PDCD11: variants seen among roughly 807,000 people sequenced by gnomAD.
PDCD11 encodes programmed cell death 11.
PDCD11 carries 97 observed loss-of-function variants against 198.9 expected under a neutral mutation model. That is an observed-to-expected ratio of 0.49 (90% CI 0.41 to 0.58). The LOEUF (loss-of-function observed/expected upper bound fraction) is 0.58. Ranked by LOEUF, PDCD11 falls within the 20% of genes least tolerant of loss-of-function variation. The pLI, the probability that PDCD11 is intolerant of heterozygous loss-of-function variation, is 0.00. For synonymous variants in PDCD11, 893 were observed against 918.0 expected, an observed-to-expected ratio of 0.97 and a Z score of 0.49; for missense variants, 2,102 against 2,312.7, an observed-to-expected ratio of 0.91 and a Z score of 1.87.
intron 9 of PDCD11, among the ~76,000 whole-genome samples, chr10:103,413,594 G>T (rs529916719): frequency 6.6e-6 from 1 of 152,280 alleles, no homozygotes; most frequent in African/African-American, 2.4e-5. Flanking sequence ...TTCTTAAAGG[G>T]CTATGTCATA....
At chr10:103,433,405 G>A (rs2032017328) in intron 22 of PDCD11, among the ~76,000 whole-genome samples, 1 of 152,128 alleles carries the variant, frequency 6.6e-6, no homozygotes. Flanking sequence ...GCTGAGGCAG[G>A]AGAATCACTG....
chr10:103,436,267 A>T (rs963692185), intron 25 of PDCD11, among the ~76,000 whole-genome samples: 1 of 151,986 alleles, frequency 6.6e-6, no homozygotes, highest in African/African-American at 2.4e-5. Context: ...ATGCCTGGCT[A>T]ATTTTTCTGT....
In PDCD11 at chr10:103,417,825, T is replaced by C; in HGVS notation, c.1804T>C (p.Ser602Pro). ...GGTTGTCGTATTGAACTGTGAGCCA[T>C]CCAAAGAGAGGATGCTCTTATCCTT... ...VKVVVLNCEP[S>P]KERMLLSFKL... is the part of the protein sequence containing the mutation. The change falls in exon 14 of 36, where the codon TCC (serine) becomes CCC (proline). Residue 602 changes from serine to proline, a missense_variant. Transcript: ENST00000369797. 1 of 1,614,080 alleles carries C rather than the reference T, an allele frequency of 6.2e-7. No individual in the cohort carries two copies. Among genetic ancestry groups the C allele is most frequent in the Middle Eastern group, 1.7e-4 (1 of 6,060 alleles).
chr10:103,414,200 T>A, intron 10 of PDCD11, 70 bp from the exon 11 acceptor site: 1 of 1,577,508 alleles, frequency 6.3e-7, no homozygotes, highest in Non-Finnish European at 8.7e-7. Context: ...CCAGCATGCC[T>A]GTGGTAGCCC....
chr10:103,400,229 T>TG (rs997939493), intron 2 of PDCD11, among the ~76,000 whole-genome samples, 168 bp from the exon 3 acceptor site: 7 of 142,640 alleles, frequency 4.9e-5, no homozygotes, highest in Non-Finnish European at 9.3e-5. Context: ...CCCCCCCCTT[T>TG]TTTTTTTTTT....
At chr10:103,427,464 A>T in intron 21 of PDCD11, 73 bp downstream of exon 21, 1 of 1,239,874 alleles carries the variant, frequency 8.1e-7, no homozygotes, top group Non-Finnish European at 1.1e-6. Flanking sequence ...CCGAATTCGA[A>T]TCTTGATTTT....
Position 103,440,552 on chromosome 10 carries a change from C to T in PDCD11, c.4411C>T (p.Arg1471Trp), listed in dbSNP as rs1207252165. 8 of 1,611,632 alleles carry T rather than the reference C, an allele frequency of 5.0e-6. No homozygotes were observed. The South Asian group carries it at 5.5e-5, about 11-fold the overall frequency. The change falls in exon 29 of 36, where the codon CGG (arginine) becomes TGG (tryptophan). Residue 1471 changes from arginine to tryptophan, a missense_variant. Coordinates refer to ENST00000369797, the MANE Select transcript of PDCD11 (RefSeq NM_014976.2). ...GCCACAGGCGCAGAAGCGGGGCGGGCGGGAGTGCCGGGAGTCTGGGAGTGA... is the reference window on the plus strand; with the variant it reads ...GCCACAGGCGCAGAAGCGGGGCGGGTGGGAGTGCCGGGAGTCTGGGAGTGA... ...QKPQAQKRGG[R>W]ECRESGSEQE...
chr10:103,435,670 G>A (rs772918831), intron 25 of PDCD11, among the ~76,000 whole-genome samples: 6 of 152,102 alleles, frequency 3.9e-5, no homozygotes, highest in Non-Finnish European at 1.5e-5. Flanking sequence ...GCGCCATGAC[G>A]CCTGGCTAAT....
chr10:103,407,792 C>T (rs1369000551), intron 7 of PDCD11, among the ~76,000 whole-genome samples: 1 of 151,782 alleles, frequency 6.6e-6, no homozygotes, highest in Non-Finnish European at 1.5e-5. Context: ...GATCTCGGGT[C>T]ACTGCAACCT....
Position 103,443,324 on chromosome 10 carries a change from G to T in PDCD11, c.5115G>T (p.Glu1705Asp). The T allele has an allele frequency of 1.2e-6, 2 of 1,605,206 alleles. No individual in the cohort carries two copies. The highest frequency in any genetic ancestry group is 1.7e-6 in the Non-Finnish European group (2 of 1,173,838). The change falls in exon 33 of 36, where the codon GAG becomes GAT. Residue 1705 changes from glutamate to aspartate, a missense_variant. Physicochemically the swap from Glu to Asp is conservative, Grantham distance 45. Coordinates refer to ENST00000369797, the MANE Select transcript of PDCD11 (RefSeq NM_014976.2). ...LHLADIYAKS[E>D]KFQEAGELYN... ...TGGCTGACATCTACGCCAAGTCAGA[G>T]AAATTCCAGGTAGGAGGTTGGGCCA...
At chr10:103,424,072 A>G (rs907673029) in intron 19 of PDCD11, among the ~76,000 whole-genome samples, 12 of 152,174 alleles carry the variant, frequency 7.9e-5, no homozygotes, top group Non-Finnish European at 2.9e-5. Context: ...GAGAAGGCAG[A>G]ATTTGGATTT....
chr10:103,399,186 A>G (rs1261945998), intron 2 of PDCD11, among the ~76,000 whole-genome samples: 1 of 132,144 alleles, frequency 7.6e-6, no homozygotes, highest in Non-Finnish European at 1.5e-5. Flanking sequence ...AGTAGCTGGG[A>G]TTACAGGTGC....
chr10:103,400,516 C>G lies in PDCD11; in HGVS notation c.222C>G (p.Ile74Met). 6.2e-7 allele frequency: 1 copy of G among 1,613,582 alleles called. No individual in the cohort carries two copies. Among genetic ancestry groups the G allele is most frequent in the Non-Finnish European group, 8.5e-7 (1 of 1,179,842 alleles). Reference sequence around the variant, plus strand: ...AGTCCGCAAGAGAGAAGTTTGAAATCCTTAGTGTTGAGGTTTGTTAAAGTT... The same window carrying G: ...AGTCCGCAAGAGAGAAGTTTGAAATGCTTAGTGTTGAGGTTTGTTAAAGTT... ...SSKSAREKFE[I>M]LSVESLCEGM... Residue 74 changes from isoleucine (I) to methionine (M), a missense_variant, in exon 3 of 36, where the codon ATC (isoleucine) becomes ATG (methionine). By Grantham distance (10) the Ile-to-Met change is conservative (BLOSUM62 1). Transcript: ENST00000369797.
chr10:103,440,885 C>A, intron 30 of PDCD11, 35 bp downstream of exon 30: 1 of 1,463,956 alleles, frequency 6.8e-7, no homozygotes, highest in Non-Finnish European at 9.4e-7. Flanking sequence ...GAAGGCTGCT[C>A]CAGGCAAGGG....
chr10:103,443,683 C>T (rs757216308), intron 33 of PDCD11, among the ~76,000 whole-genome samples: 9 of 152,200 alleles, frequency 5.9e-5, no homozygotes, highest in Non-Finnish European at 1.0e-4. Context: ...AGGCTAGGAC[C>T]GCCCTCCCAT....
rs201558637 is a variant in PDCD11, at chr10:103,422,055, TTTATTATTATTATTATTA to T, written c.2497+515_2497+532del. On this transcript the variant is annotated intron_variant, in intron 17 of 35. Coordinates refer to ENST00000369797, the MANE Select transcript of PDCD11 (RefSeq NM_014976.2). ...GTATGACCTGCATAAAGTGCACAAT[TTTATTATTATTATTATTA>T]TTATTATTATTATTATTATTATTAT... Among the ~76,000 whole-genome samples the T allele has an allele frequency of 1.6e-4, 21 of 127,454 alleles. No individual in the cohort carries two copies. In the East Asian group the frequency reaches 2.2e-3, roughly 14 times the overall value. 83.6% of individuals were successfully genotyped at this position (127,454 alleles called of 152,430 possible).
chr10:103,434,063 AG>A, intron 23 of PDCD11, 26 bp downstream of exon 23: 1 of 1,569,078 alleles, frequency 6.4e-7, no homozygotes, highest in Non-Finnish European at 8.8e-7. Flanking sequence ...ATCCCTGGAG[AG>A]GGGACCCAAG....
chr10:103,398,624 G>T, intron 2 of PDCD11, 96 bp downstream of exon 2: 1 of 813,678 alleles, frequency 1.2e-6, no homozygotes, highest in Non-Finnish European at 2.1e-6. Context: ...TATTTTTCCA[G>T]ATTTTTTTTG....
chr10:103,413,872 A>G (rs1356681883), intron 9 of PDCD11, 94 bp from the exon 10 acceptor site: 4 of 1,204,908 alleles, frequency 3.3e-6, no homozygotes, highest in Admixed American at 2.5e-5. Context: ...TTTATGGTAC[A>G]TGATAAGTGT....
Sources: gnomAD v4.1 joint callset for allele counts (sites outside exome capture counted in the v4.1 genomes callset) on GRCh38, gnomAD v4.1.1 for gene constraint, MANE v1.5 for transcripts, NCBI Gene and HGNC (gene_info 2026-07-23, HGNC 2026-07-21) for gene names.